Variants in SNX25 observed in about 807,000 individuals in gnomAD.
SNX25 encodes sorting nexin 25, also known as sorting nexin-25.
A neutral mutation model predicts 113.7 loss-of-function variants in SNX25; 62 were observed. That is an observed-to-expected ratio of 0.55 (90% CI 0.44 to 0.67). SNX25 has a LOEUF of 0.67. SNX25 is among the 30% of genes least tolerant of loss of function. The probability of loss-of-function intolerance (pLI) is 0.00; values close to 1 mark genes in which losing one functional copy is unlikely to be tolerated. For missense variants in SNX25, 1,014 were observed against 1,161.0 expected (o/e 0.87, Z 1.84); for synonymous variants, 421 against 436.2 (o/e 0.97, Z 0.43).
chr4:185,288,797 C>T (rs574037397), intron 6 of SNX25, among the ~76,000 whole-genome samples: 28 of 152,224 alleles, frequency 1.8e-4, no homozygotes, highest in Non-Finnish European at 3.4e-4. Flanking sequence ...AGGTAGAGAA[C>T]GTGTTAAAAT....
downstream of SNX25, chr4:185,370,646 A>T (rs767797257): frequency 1.9e-6 from 3 of 1,613,918 alleles, no homozygotes; most frequent in East Asian, 4.5e-5. Context: ...TTACTTTAGA[A>T]TAATAGTGTT....
chr4:185,328,995 G>T (rs1030629654), intron 9 of SNX25, among the ~76,000 whole-genome samples: 1 of 152,098 alleles, frequency 6.6e-6, no homozygotes, highest in Non-Finnish European at 1.5e-5. Flanking sequence ...CAAGGAAGGG[G>T]TTTCAAAGGA....
intron 7 of SNX25, among the ~76,000 whole-genome samples, chr4:185,316,413 G>A (rs1324561112): frequency 6.6e-6 from 1 of 152,186 alleles, no homozygotes; most frequent in Non-Finnish European, 1.5e-5. Flanking sequence ...AAACCTACAT[G>A]TATCTACCTC....
intron 9 of SNX25, among the ~76,000 whole-genome samples, chr4:185,331,246 A>G (rs78008021): frequency 0.013 from 1,910 of 152,318 alleles, 39 homozygotes; most frequent in African/African-American, 0.043. Context: ...TGGGATAGCA[A>G]TGAAGCAGAA....
intron 6 of SNX25, among the ~76,000 whole-genome samples, chr4:185,298,920 C>A (rs1467581866): frequency 6.6e-6 from 1 of 152,148 alleles, no homozygotes; most frequent in East Asian, 1.9e-4. Context: ...GAAATCTTAT[C>A]CACCAGAAGT....
intron 1 of SNX25, among the ~76,000 whole-genome samples, chr4:185,223,533 G>A (rs868568422): frequency 6.6e-6 from 1 of 152,132 alleles, no homozygotes; most frequent in South Asian, 2.1e-4. Context: ...CGGGGGCGGC[G>A]GCTCACGCCT....
intron 5 of SNX25, among the ~76,000 whole-genome samples, chr4:185,284,231 C>A (rs559311574): frequency 6.6e-6 from 1 of 152,054 alleles, no homozygotes; most frequent in African/African-American, 2.4e-5. Context: ...TTCTTAGGCT[C>A]GAAAATGTGT....
At chr4:185,374,135 C>T (rs1176308428), downstream of SNX25, 1 of 1,612,542 alleles carries the variant, frequency 6.2e-7, no homozygotes, top group Non-Finnish European at 8.5e-7. Flanking sequence ...GGAACGTTAC[C>T]TTTTCTAACT....
intron 1 of SNX25, among the ~76,000 whole-genome samples, chr4:185,227,528 G>A (rs1194254836): frequency 6.6e-6 from 1 of 152,212 alleles, no homozygotes; most frequent in African/African-American, 2.4e-5. Flanking sequence ...CTTGTTAAAG[G>A]TCCAGCTCAA....
intron 7 of SNX25, among the ~76,000 whole-genome samples, chr4:185,315,065 A>G (rs1203069869): frequency 6.6e-6 from 1 of 150,546 alleles, no homozygotes; most frequent in Non-Finnish European, 1.5e-5. Context: ...CGTCTCTACT[A>G]AAAATACAAA....
At chr4:185,227,960 C>G (rs1741263377) in intron 1 of SNX25, among the ~76,000 whole-genome samples, 2 of 151,954 alleles carry the variant, frequency 1.3e-5, no homozygotes, top group Non-Finnish European at 2.9e-5. Flanking sequence ...CATTTAGAGG[C>G]CGTGAGATGA....
chr4:185,333,804 G>A (rs1437691183), intron 10 of SNX25, among the ~76,000 whole-genome samples: 1 of 152,036 alleles, frequency 6.6e-6, no homozygotes, highest in Non-Finnish European at 1.5e-5. Flanking sequence ...TAATCTTTGG[G>A]AAGCCGAGAT....
intron 1 of SNX25, among the ~76,000 whole-genome samples, chr4:185,227,510 C>T (rs1741201603): frequency 6.6e-6 from 1 of 152,228 alleles, no homozygotes; most frequent in Non-Finnish European, 1.5e-5. Flanking sequence ...TTTGTATGTT[C>T]AGCTCTACTT....
rs568840441 is a variant in SNX25, at chr4:185,250,995, TTG to T, written c.514+3634_514+3635del. Among the ~76,000 whole-genome samples the T allele has an allele frequency of 1.9e-3, 286 of 150,630 alleles. 2 individuals carry two copies. The highest frequency in any genetic ancestry group is 6.6e-3 in the African/African-American group (273 of 41,164). Reference sequence around the variant, plus strand: ...AAGTATATAGTTCAATAATGTTTTGTTGTGTGTGTGTGTGTGTGACACGGAGT... The same window carrying T: ...AAGTATATAGTTCAATAATGTTTTGTTGTGTGTGTGTGTGTGACACGGAGT... On this transcript the variant is annotated intron_variant, in intron 2 of 18. Transcript: ENST00000652585.
downstream of SNX25, chr4:185,370,270 ACT>A (rs749976623): frequency 2.4e-4 from 40 of 165,286 alleles, no homozygotes; most frequent in Admixed American, 9.3e-4. Flanking sequence ...AAAACTTTAA[ACT>A]CTGTACTAGA....
chr4:185,260,761 A>G (rs892853069), intron 3 of SNX25, among the ~76,000 whole-genome samples: 1 of 152,208 alleles, frequency 6.6e-6, no homozygotes, highest in Non-Finnish European at 1.5e-5. Context: ...ATGCCCTACA[A>G]GGATCTTGGG....
intron 6 of SNX25, among the ~76,000 whole-genome samples, chr4:185,292,127 GA>G (rs1018701181): frequency 9.5e-4 from 144 of 152,070 alleles, no homozygotes; most frequent in African/African-American, 3.4e-3. Flanking sequence ...TTCAAAGTTA[GA>G]AAAAAACACT....
chr4:185,273,295 CAG>C (rs374522044), intron 5 of SNX25, among the ~76,000 whole-genome samples: 3 of 152,288 alleles, frequency 2.0e-5, no homozygotes, highest in African/African-American at 7.2e-5. Context: ...TATTTAGAGA[CAG>C]GGTCTCACTC....
upstream of SNX25, chr4:185,209,488 G>A: frequency 6.5e-6 from 1 of 153,664 alleles, no homozygotes; most frequent in Non-Finnish European, 1.4e-5. The surrounding 1 kb of genome is among the most constrained non-coding windows in gnomAD (Gnocchi z 5.2). Context: ...CCCCCGCGCT[G>A]TGGGTGGGCG....
Sources: gnomAD v4.1 joint callset for allele counts (sites outside exome capture counted in the v4.1 genomes callset) on GRCh38, gnomAD v4.1.1 for gene constraint, Gnocchi (gnomAD v3.1) non-coding constraint, MANE v1.5 for transcripts, NCBI Gene and HGNC (gene_info 2026-07-23, HGNC 2026-07-21) for gene names.